The following ALG14 variants were observed in gnomAD, a reference collection of about 807,000 sequenced individuals.
ALG14 encodes the protein UDP-N-acetylglucosamine transferase subunit ALG14.
ALG14 carries 17 observed loss-of-function variants against 22.8 expected under a neutral mutation model. That is an observed-to-expected ratio of 0.75 (90% CI 0.51 to 1.12). The LOEUF is 1.12. ALG14 is among the 50% of genes most tolerant of loss of function. ALG14 has a pLI of 0.00. For synonymous variants in ALG14, 89 were observed against 103.7 expected, an observed-to-expected ratio of 0.86 and a Z score of 0.86; for missense variants, 288 against 271.8, an observed-to-expected ratio of 1.06 and a Z score of -0.42.
chr1:94,997,923 C>T (rs1672950329), intron 3 of ALG14, among the ~76,000 whole-genome samples: 1 of 152,148 alleles, frequency 6.6e-6, no homozygotes, highest in Non-Finnish European at 1.5e-5. Context: ...CTTCTCTCCT[C>T]CTCCAAATCC....
chr1:95,072,252 T>C (rs1157258339), intron 1 of ALG14, among the ~76,000 whole-genome samples: 1 of 152,234 alleles, frequency 6.6e-6, no homozygotes, highest in East Asian at 1.9e-4. Flanking sequence ...TTAGATTGTA[T>C]TACCTGACAG....
At chr1:95,069,264 C>T (rs140837949) in intron 1 of ALG14, among the ~76,000 whole-genome samples, 148 of 152,188 alleles carry the variant, frequency 9.7e-4, no homozygotes, top group African/African-American at 3.3e-3. Flanking sequence ...TCGCTTGATC[C>T]CAGGATTTAG....
At chr1:94,983,487 C>G in intron 3 of ALG14, 181 bp from the exon 4 acceptor site, 1 of 590,686 alleles carries the variant, frequency 1.7e-6, no homozygotes, top group South Asian at 2.0e-5. Flanking sequence ...TGGAGCCAGG[C>G]AGAGCTGTGT....
chr1:95,031,174 A>G (rs936734207), intron 2 of ALG14, among the ~76,000 whole-genome samples: 11 of 152,184 alleles, frequency 7.2e-5, no homozygotes, highest in African/African-American at 2.4e-4. Flanking sequence ...AATTATTGAT[A>G]GTGCCCCATG....
chr1:95,015,291 T>C (rs1461913987), intron 3 of ALG14, among the ~76,000 whole-genome samples: 2 of 152,200 alleles, frequency 1.3e-5, no homozygotes, highest in African/African-American at 4.8e-5. Context: ...AGTTCCTTAC[T>C]ATTCAGTTAT....
At chr1:94,985,445 T>C (rs1404297796) in intron 3 of ALG14, among the ~76,000 whole-genome samples, 1 of 152,236 alleles carries the variant, frequency 6.6e-6, no homozygotes, top group Non-Finnish European at 1.5e-5. Flanking sequence ...ATGTCTCCAG[T>C]TGACAACCAC....
intron 3 of ALG14, among the ~76,000 whole-genome samples, chr1:95,012,316 C>T (rs1673389005): frequency 6.6e-6 from 1 of 152,240 alleles, no homozygotes; most frequent in African/African-American, 2.4e-5. Context: ...TGAACTTCTA[C>T]TAAATATCAT....
intron 3 of ALG14, among the ~76,000 whole-genome samples, chr1:94,993,444 A>G (rs1332400211): frequency 6.8e-6 from 1 of 147,728 alleles, no homozygotes; most frequent in East Asian, 1.9e-4. Flanking sequence ...ATACATTTAT[A>G]TAATATATAA....
In ALG14 at chr1:94,983,021, T is replaced by C. The variant is rs1339038861; in HGVS notation, c.*55A>G. The C allele has an allele frequency of 6.7e-6, 10 of 1,486,704 alleles. No individual in the cohort carries two copies. Among genetic ancestry groups the C allele is most frequent in the Non-Finnish European group, 9.4e-6 (10 of 1,068,808 alleles). The allele number at this position is 1,486,704 out of a possible 1,614,324, so 92.1% of individuals were successfully genotyped here. On this transcript the variant is annotated 3_prime_UTR_variant, in exon 4 of 4. Transcript: ENST00000370205. ...ACATGTAGGGTTTTTTTCCCCCCAA[T>C]TTGAGTACATACTACTGTTAACTGC...
intron 2 of ALG14, among the ~76,000 whole-genome samples, chr1:95,033,418 T>TACACACACACAC (rs1234307055): frequency 1.5e-5 from 2 of 130,364 alleles, no homozygotes; most frequent in African/African-American, 5.8e-5. Flanking sequence ...TATATATATA[T>TACACACACACAC]ATACACACAC....
chr1:95,026,222 G>A (rs959493762), intron 3 of ALG14, among the ~76,000 whole-genome samples: 6 of 152,112 alleles, frequency 3.9e-5, no homozygotes, highest in African/African-American at 1.2e-4. Flanking sequence ...GTGAGCCACC[G>A]CACCCAGCCT....
Position 94,975,834 on chromosome 1 carries a change from A to G in ALG14, c.*7242T>C, listed in dbSNP as rs1206964713. On this transcript the variant is annotated 3_prime_UTR_variant, in exon 4 of 4. Transcript: ENST00000370205. The stretch of plus-strand genomic sequence containing the variant: ...GCTAACACAGTGAAACCCTGTCTCT[A>G]CTAAAAATACAAAAAAAACAAACAA... 1.3e-5 allele frequency: 2 copies of G among 151,698 alleles called. No homozygotes were observed. The highest frequency in any genetic ancestry group is 4.9e-5 in the African/African-American group (2 of 41,206). The allele number at this position is 151,698 out of a possible 1,614,324, so 9.4% of individuals were successfully genotyped here.
intron 3 of ALG14, among the ~76,000 whole-genome samples, chr1:95,018,070 G>A (rs149797644): frequency 6.6e-6 from 1 of 152,248 alleles, no homozygotes; most frequent in East Asian, 1.9e-4. Flanking sequence ...CCTAACTACT[G>A]ACAAAGATGA....
At chr1:95,058,285 A>G (rs1261244892) in intron 2 of ALG14, among the ~76,000 whole-genome samples, 3 of 81,454 alleles carry the variant, frequency 3.7e-5, no homozygotes, top group Admixed American at 2.4e-4. Flanking sequence ...ACTCCATCTG[A>G]AAAAAAAAAA....
chr1:95,018,079 G>A (rs924922723), intron 3 of ALG14, among the ~76,000 whole-genome samples: 2 of 152,192 alleles, frequency 1.3e-5, no homozygotes, highest in Admixed American at 1.3e-4. Context: ...TGACAAAGAT[G>A]AGAGTAAAGC....
intron 2 of ALG14, among the ~76,000 whole-genome samples, chr1:95,050,049 G>C (rs1362474444): frequency 6.6e-6 from 1 of 152,120 alleles, no homozygotes; most frequent in East Asian, 1.9e-4. Flanking sequence ...TTTCTGGGAA[G>C]CTCTCTGTGT....
intron 2 of ALG14, among the ~76,000 whole-genome samples, chr1:95,034,996 C>T (rs1467144078): frequency 6.6e-6 from 1 of 152,108 alleles, no homozygotes; most frequent in South Asian, 2.1e-4. Flanking sequence ...CGCCACCTAC[C>T]CCGACACATT....
At chr1:95,057,291 T>C (rs1338000221) in intron 2 of ALG14, among the ~76,000 whole-genome samples, 2 of 151,728 alleles carry the variant, frequency 1.3e-5, no homozygotes, top group Non-Finnish European at 2.9e-5. Context: ...GTTCTGCATC[T>C]GTGGATTCAA....
Position 94,981,206 on chromosome 1 carries a change from G to C in ALG14, c.*1870C>G, listed in dbSNP as rs7551774. ...CAAGGCTTATTTCACCTCAGCCCCT[G>C]GTTGTATGATACTAATACGCTCTGA... On this transcript the variant is annotated 3_prime_UTR_variant, in exon 4 of 4. Transcript: ENST00000370205. 1 of 151,982 alleles carries C rather than the reference G, an allele frequency of 6.6e-6. No homozygotes were observed. The highest frequency in any genetic ancestry group is 2.1e-4 in the South Asian group (1 of 4,826). The allele number at this position is 151,982 out of a possible 1,614,324, so 9.4% of individuals were successfully genotyped here. A position where few individuals can be genotyped will look rare whatever the true frequency, so the allele number is the denominator to read the frequency against.
Sources: gnomAD v4.1 joint callset for allele counts (sites outside exome capture counted in the v4.1 genomes callset) on GRCh38, gnomAD v4.1.1 for gene constraint, MANE v1.5 for transcripts, NCBI Gene and HGNC (gene_info 2026-07-23, HGNC 2026-07-21) for gene names.